The following CSF2RA variants were observed in gnomAD, a reference collection of about 807,000 sequenced individuals.
CSF2RA encodes colony stimulating factor 2 receptor subunit alpha, also known as granulocyte-macrophage colony-stimulating factor receptor subunit alpha.
Under a neutral mutation model 51.6 loss-of-function variants are expected in CSF2RA, and 42 were observed. The observed-to-expected ratio is 0.81, with a 90% CI of 0.64 to 1.05. CSF2RA has a LOEUF of 1.05. Ranked by LOEUF, CSF2RA falls within the 50% of genes least tolerant of loss-of-function variation. CSF2RA has a pLI of 0.00. For synonymous variants in CSF2RA, 222 were observed against 193.0 expected (o/e 1.15, Z -1.24); for missense variants, 530 against 501.1 (o/e 1.06, Z -0.55).
At position 1,277,511 on chromosome X, in the gene CSF2RA, G is replaced by A. The variant is rs1388346418; in HGVS notation, c.-27+2693G>A. On this transcript the variant is annotated intron_variant, in intron 2 of 12. Transcript: ENST00000381529. ...CTCGGGAGACAGAGGCAAGAGAATGGCGTGAACCCGGGAGGCGATGCTTGC... is the reference window on the plus strand; with the variant it reads ...CTCGGGAGACAGAGGCAAGAGAATGACGTGAACCCGGGAGGCGATGCTTGC... Among the ~76,000 whole-genome samples the A allele has an allele frequency of 4.1e-5, 6 of 147,544 alleles. No homozygotes were observed. In the East Asian group the frequency reaches 1.2e-3, roughly 30 times the overall value.
At chrX:1,280,458 T>G (rs1197087741) in intron 2 of CSF2RA, among the ~76,000 whole-genome samples, 21 of 118,156 alleles carry the variant, frequency 1.8e-4, no homozygotes, top group Middle Eastern at 4.5e-3. Flanking sequence ...GTGACAAGAG[T>G]GAAACTCCGT....
chrX:1,294,740 G>A (rs1318405743), intron 8 of CSF2RA, among the ~76,000 whole-genome samples: 2 of 151,922 alleles, frequency 1.3e-5, no homozygotes, highest in African/African-American at 4.8e-5. Context: ...GATGCCACAA[G>A]CAAGGAGAGC....
At chrX:1,320,754 G>T in the CSF2RA span, among the ~76,000 whole-genome samples, 2 of 145,998 alleles carry the variant, frequency 1.4e-5, no homozygotes, top group Non-Finnish European at 3.0e-5. Flanking sequence ...CTTGTGATCC[G>T]CCCGCCTCAG....
intron 1 of CSF2RA, among the ~76,000 whole-genome samples, chrX:1,272,647 C>T (rs1281068404): frequency 1.3e-5 from 2 of 151,506 alleles, no homozygotes; most frequent in African/African-American, 4.8e-5. Context: ...GCCACTACGC[C>T]CAGCTAATTT....
intron 1 of CSF2RA, among the ~76,000 whole-genome samples, chrX:1,269,649 GA>G (rs2088106646): frequency 2.0e-5 from 1 of 50,494 alleles, no homozygotes. Context: ...AAAAAAAAGA[GA>G]TGAAAAGAGA....
chrX:1,319,088 C>T, the CSF2RA span, among the ~76,000 whole-genome samples: 10 of 147,884 alleles, frequency 6.8e-5, no homozygotes, highest in Admixed American at 6.1e-4. Flanking sequence ...CTCCGCCTCC[C>T]GGGTTCAAGC....
At chrX:1,324,928 C>A in the CSF2RA span, among the ~76,000 whole-genome samples, 1 of 152,094 alleles carries the variant, frequency 6.6e-6, no homozygotes, top group East Asian at 1.9e-4. Flanking sequence ...ACTCAGCGAT[C>A]ACAGGACGGT....
At chrX:1,285,716 A>AG in intron 3 of CSF2RA, 62 bp from the exon 4 acceptor site, 3 of 1,360,764 alleles carry the variant, frequency 2.2e-6, no homozygotes. Flanking sequence ...AAAAAAAAAA[A>AG]AAAAAAAAAA....
downstream of CSF2RA, among the ~76,000 whole-genome samples, chrX:1,311,187 G>T (rs112499135): frequency 0.18 from 27,250 of 151,022 alleles, 3,017 homozygotes; most frequent in East Asian, 0.49. Context: ...AGGCGGAGGT[G>T]GCAGTGAGCC....
At chrX:1,277,832 C>A (rs1217501229) in intron 2 of CSF2RA, among the ~76,000 whole-genome samples, 1 of 148,934 alleles carries the variant, frequency 6.7e-6, no homozygotes. Context: ...CAAAAATTAG[C>A]CAGGCATGGT....
At chrX:1,314,267 GCGCC>G (rs1569514706), downstream of CSF2RA, among the ~76,000 whole-genome samples, 58 of 26,782 alleles carry the variant, frequency 2.2e-3, 1 homozygote, top group African/African-American at 6.3e-3. Context: ...CAACCCCACT[GCGCC>G]TGCCCAACCC....
intron 3 of CSF2RA, among the ~76,000 whole-genome samples, chrX:1,284,187 C>T (rs1569496678): frequency 1.6e-5 from 2 of 123,446 alleles, no homozygotes; most frequent in African/African-American, 3.1e-5. Flanking sequence ...TTTTCTTTCT[C>T]TGTCTCTCTT....
rs148928173 is a variant in CSF2RA at position 1,288,773 on chromosome X, G to A, written c.358G>A (p.Ala120Thr). 84 of 1,613,760 alleles carry A rather than the reference G, an allele frequency of 5.2e-5. No homozygotes were observed. The highest frequency in any genetic ancestry group is 6.4e-5 in the Non-Finnish European group (76 of 1,179,868). ...LYPNSGREGT[A>T]AQNFSCFIYN... ...CCTCTTCCCAGGAAGGGAGGGTACC[G>A]CTGCTCAGAATTTCTCCTGTTTCAT... Residue 120 changes from alanine to threonine, a missense_variant, in exon 6 of 13, where the codon GCT becomes ACT. By Grantham distance (58) the Ala-to-Thr change is moderately conservative. Transcript: ENST00000381529.
chrX:1,325,032 T>G, the CSF2RA span, among the ~76,000 whole-genome samples: 2 of 151,974 alleles, frequency 1.3e-5, no homozygotes, highest in South Asian at 4.2e-4. Context: ...TTAAAGGTTT[T>G]CCAGAGAGGT....
intron 9 of CSF2RA, among the ~76,000 whole-genome samples, chrX:1,296,295 CTGTACAGT>C (rs2091947883): frequency 6.7e-6 from 1 of 148,406 alleles, no homozygotes; most frequent in African/African-American, 2.5e-5. Context: ...CCTGGCGGAA[CTGTACAGT>C]CCCCTACTCA....
intron 7 of CSF2RA, 26 bp from the exon 8 acceptor site, chrX:1,294,302 G>C: frequency 6.2e-7 from 1 of 1,612,340 alleles, no homozygotes; most frequent in Non-Finnish European, 8.5e-7. Context: ...TCGGGTTCAG[G>C]GGTGTGTCCT....
Position 1,287,505 on chromosome X carries a change from G to A in CSF2RA, c.220-1014G>A, listed in dbSNP as rs189502684. Among the ~76,000 whole-genome samples the A allele has an allele frequency of 9.0e-3, 1,353 of 149,700 alleles. 16 individuals are homozygous for A. Among genetic ancestry groups the A allele is most frequent in the Admixed American group, 0.014 (212 of 14,828 alleles). On this transcript the variant is annotated intron_variant, in intron 4 of 12. Coordinates refer to ENST00000381529, the MANE Select transcript of CSF2RA (RefSeq NM_172245.4). ...GTCGCCCAGGCTGGAGTGCACTGGC[G>A]TGATCTCAGCTCCCTGCAACCTGTG...
downstream of CSF2RA, chrX:1,310,138 G>A (rs1438201183): frequency 3.9e-6 from 1 of 256,978 alleles, no homozygotes; most frequent in Non-Finnish European, 7.2e-6. Context: ...AGTAAGCTAT[G>A]ATTGCACCGT....
chrX:1,288,948 GC>G, intron 6 of CSF2RA, 60 bp downstream of exon 6: 6 of 1,605,312 alleles, frequency 3.7e-6, no homozygotes, highest in Non-Finnish European at 5.1e-6. Flanking sequence ...AAAAAATCAT[GC>G]TGGTTTTCTT....
Sources: allele counts gnomAD v4.1 joint callset (sites outside exome capture counted in the v4.1 genomes callset), GRCh38; gene constraint gnomAD v4.1.1; transcripts MANE v1.5; gene names NCBI Gene and HGNC (gene_info 2026-07-23, HGNC 2026-07-21).